Variants in C12orf56 observed in about 807,000 individuals in gnomAD.
C12orf56 encodes chromosome 12 open reading frame 56, also known as uncharacterized protein C12orf56.
C12orf56 carries 71 observed loss-of-function variants against 69.9 expected under a neutral mutation model. The observed-to-expected ratio is 1.02, with a 90% CI of 0.84 to 1.24. C12orf56 has a LOEUF of 1.24. Ranked by LOEUF, C12orf56 falls within the 50% of genes most tolerant of loss-of-function variation. The pLI is 0.00. For missense variants in C12orf56, 732 were observed against 738.5 expected (o/e 0.99, Z 0.10); for synonymous variants, 276 against 274.1 (o/e 1.01, Z -0.07).
At chr12:64,366,942 T>C (rs1348879914) in intron 1 of C12orf56, among the ~76,000 whole-genome samples, 3 of 122,010 alleles carry the variant, frequency 2.5e-5, no homozygotes, top group South Asian at 2.5e-4. Flanking sequence ...ATATATAACA[T>C]ACACTTTATA....
Position 64,331,035 on chromosome 12 carries a change from TAA to T in C12orf56, c.416-5_416-4del. The T allele has an allele frequency of 1.4e-6, 2 of 1,409,832 alleles. No individual in the cohort carries two copies. The highest frequency in any genetic ancestry group is 9.6e-7 in the Non-Finnish European group (1 of 1,044,958). The allele number at this position is 1,409,832 out of a possible 1,614,324, so 87.3% of individuals were successfully genotyped here. Reference sequence around the variant, plus strand: ...AAGGCCGTTCTTTTCTTCCTTGACTTAAAAAAAAAATAGTTATTTGGTCATTA... The same window carrying T: ...AAGGCCGTTCTTTTCTTCCTTGACTTAAAAAAAATAGTTATTTGGTCATTA... On this transcript the variant is annotated splice_polypyrimidine_tract_variant and splice_region_variant and intron_variant, in intron 2 of 12. Coordinates refer to ENST00000543942, the MANE Select transcript of C12orf56 (RefSeq NM_001170633.2).
At chr12:64,312,322 G>C (rs1342647228) in intron 5 of C12orf56, among the ~76,000 whole-genome samples, 4 of 152,136 alleles carry the variant, frequency 2.6e-5, no homozygotes, top group Non-Finnish European at 5.9e-5. Context: ...GGGAGGCAAA[G>C]AGGGCCGGGC....
chr12:64,345,823 T>G (rs935948755), intron 2 of C12orf56, among the ~76,000 whole-genome samples: 1 of 152,188 alleles, frequency 6.6e-6, no homozygotes, highest in African/African-American at 2.4e-5. Flanking sequence ...TTCATACAAA[T>G]GTAGTATGCA....
intron 1 of C12orf56, 103 bp from the exon 2 acceptor site, chr12:64,353,159 A>G: frequency 2.9e-6 from 3 of 1,037,782 alleles, no homozygotes; most frequent in Non-Finnish European, 4.2e-6. Context: ...TTTTTTCCAC[A>G]TATATATATA....
intron 1 of C12orf56, among the ~76,000 whole-genome samples, chr12:64,360,240 C>T (rs2039381535): frequency 6.6e-6 from 1 of 151,974 alleles, no homozygotes; most frequent in African/African-American, 2.4e-5. Context: ...GCCTGGCCAG[C>T]ATGGCGAAAC....
At position 64,266,707 on chromosome 12, in the gene C12orf56, A is replaced by AG. The variant is rs750835752; in HGVS notation, c.*475_*476insC. The AG allele has an allele frequency of 4.1e-6, 2 of 489,936 alleles. No individual in the cohort carries two copies. Among genetic ancestry groups the AG allele is most frequent in the Non-Finnish European group, 6.7e-6 (2 of 300,088 alleles). The allele number at this position is 489,936 out of a possible 1,614,324, so 30.3% of individuals were successfully genotyped here. A position where few individuals can be genotyped will look rare whatever the true frequency, so the allele number is the denominator to read the frequency against. ...TGTGCCCAAGCTGAGAAGATAAAAC[A>AG]CCTTGAGAAGAACTTGAATGCCCAT... On this transcript the variant is annotated 3_prime_UTR_variant, in exon 13 of 13. Coordinates refer to ENST00000543942, the MANE Select transcript of C12orf56 (RefSeq NM_001170633.2).
chr12:64,274,789 G>T, intron 11 of C12orf56, 112 bp downstream of exon 11: 1 of 820,204 alleles, frequency 1.2e-6, no homozygotes, highest in Non-Finnish European at 1.9e-6. Flanking sequence ...TTTGCTTCTG[G>T]TTGATAAACT....
chr12:64,360,522 T>C (rs1196191128), intron 1 of C12orf56, among the ~76,000 whole-genome samples: 6 of 152,262 alleles, frequency 3.9e-5, no homozygotes, highest in South Asian at 2.1e-4. Flanking sequence ...AGATGATAGA[T>C]AGATGATAGA....
chr12:64,276,942 C>T (rs1403634777), intron 9 of C12orf56, among the ~76,000 whole-genome samples: 2 of 140,950 alleles, frequency 1.4e-5, no homozygotes, highest in Non-Finnish European at 1.5e-5. Flanking sequence ...TGCAGTGAGC[C>T]GAGATTGTGC....
At chr12:64,372,376 C>T (rs950375736) in intron 1 of C12orf56, among the ~76,000 whole-genome samples, 1 of 152,040 alleles carries the variant, frequency 6.6e-6, no homozygotes, top group Non-Finnish European at 1.5e-5. Context: ...ATTTTTTGAT[C>T]ATTTAAATTT....
At chr12:64,368,865 G>A (rs1273100507) in intron 1 of C12orf56, among the ~76,000 whole-genome samples, 1 of 152,122 alleles carries the variant, frequency 6.6e-6, no homozygotes, top group Non-Finnish European at 1.5e-5. Context: ...TTCCTCATGT[G>A]TAAAACGAGA....
intron 1 of C12orf56, among the ~76,000 whole-genome samples, chr12:64,381,162 G>A (rs886719915): frequency 4.6e-5 from 7 of 151,970 alleles, no homozygotes; most frequent in African/African-American, 1.5e-4. Context: ...AGTGTTGATT[G>A]GTTGGGTCAG....
intron 1 of C12orf56, among the ~76,000 whole-genome samples, chr12:64,374,658 C>T (rs1417767757): frequency 1.3e-5 from 2 of 152,014 alleles, no homozygotes; most frequent in African/African-American, 4.8e-5. Flanking sequence ...ATTCTCCTGC[C>T]TCAGCCTCCT....
At chr12:64,269,592 C>T (rs1328852958) in intron 12 of C12orf56, among the ~76,000 whole-genome samples, 2 of 37,816 alleles carry the variant, frequency 5.3e-5, no homozygotes, top group African/African-American at 1.0e-4. Flanking sequence ...AGTTTATTTA[C>T]ACTTTTTTTT....
At chr12:64,268,026 A>G (rs1253759455) in intron 12 of C12orf56, among the ~76,000 whole-genome samples, 1 of 152,196 alleles carries the variant, frequency 6.6e-6, no homozygotes, top group Non-Finnish European at 1.5e-5. Flanking sequence ...AAATGCTACA[A>G]TGAGCATTTA....
In C12orf56 at chr12:64,312,388, C is replaced by A. The variant is rs140456136; in HGVS notation, c.968+291G>T. On this transcript the variant is annotated intron_variant, in intron 5 of 12. Transcript: ENST00000543942. ...TTGGGAGGCCAAGGCAGGAGGATCA[C>A]CTGAGGTCAGTCCAATCTAACCGAC... Among the ~76,000 whole-genome samples, 938 of 152,270 alleles carry A rather than the reference C, an allele frequency of 6.2e-3. 28 individuals are homozygous for A. Among genetic ancestry groups the A allele is most frequent in the Admixed American group, 0.053 (810 of 15,294 alleles).
At position 64,377,738 on chromosome 12, in the gene C12orf56, T is replaced by A. The variant is rs552000145; in HGVS notation, c.252+12576A>T. Among the ~76,000 whole-genome samples, 31 of 152,326 alleles carry A rather than the reference T, an allele frequency of 2.0e-4. No homozygotes were observed. The South Asian group carries it at 6.2e-3, about 31-fold the overall frequency. On this transcript the variant is annotated intron_variant, in intron 1 of 12. Transcript: ENST00000543942. Reference sequence around the variant, plus strand: ...CTAGTTTCTGATTTGTTCAGTTCAATTCACCATAAGTATTTTTGAGCTCTT... The same window carrying A: ...CTAGTTTCTGATTTGTTCAGTTCAAATCACCATAAGTATTTTTGAGCTCTT...
intron 8 of C12orf56, among the ~76,000 whole-genome samples, chr12:64,284,023 G>A (rs915365574): frequency 1.3e-5 from 2 of 149,908 alleles, no homozygotes; most frequent in East Asian, 2.0e-4. Flanking sequence ...TCAGCCTCCC[G>A]AGTAGCTGGG....
intron 1 of C12orf56, among the ~76,000 whole-genome samples, chr12:64,365,772 C>T (rs1244952108): frequency 1.5e-5 from 2 of 136,026 alleles, no homozygotes; most frequent in South Asian, 2.2e-4. Flanking sequence ...TTATATAATA[C>T]ATATAATAAA....
Sources: gnomAD v4.1 joint callset for allele counts (sites outside exome capture counted in the v4.1 genomes callset) on GRCh38, gnomAD v4.1.1 for gene constraint, MANE v1.5 for transcripts, NCBI Gene and HGNC (gene_info 2026-07-23, HGNC 2026-07-21) for gene names.